The following TGFA variants were observed in gnomAD, a reference collection of about 807,000 sequenced individuals.
TGFA encodes the protein transforming growth factor alpha, also known as protransforming growth factor alpha.
Under a neutral mutation model 21.7 loss-of-function variants are expected in TGFA, and 12 were observed. The observed-to-expected ratio is 0.55, with a 90% confidence interval of 0.35 to 0.90. The LOEUF (loss-of-function observed/expected upper bound fraction) is 0.90, where lower values mean the gene tolerates loss of function less well. TGFA is among the 40% of genes least tolerant of loss of function. The pLI is 0.01. For synonymous variants in TGFA, 79 were observed against 88.1 expected, an observed-to-expected ratio of 0.90 and a Z score of 0.58; for missense variants, 178 against 210.8, an observed-to-expected ratio of 0.84 and a Z score of 0.96.
intron 1 of TGFA, among the ~76,000 whole-genome samples, chr2:70,548,758 T>G (rs1673393754): frequency 6.6e-6 from 1 of 152,208 alleles, no homozygotes; most frequent in Non-Finnish European, 1.5e-5. Context: ...TAAGTCATAC[T>G]CAGTACAACA....
At chr2:70,450,951 A>T in intron 5 of TGFA, 85 bp from the exon 6 acceptor site, 1 of 1,509,398 alleles carries the variant, frequency 6.6e-7, no homozygotes, top group African/African-American at 1.4e-5. Context: ...AGACTTGGAG[A>T]TGGCAGAGCC....
intron 1 of TGFA, chr2:70,553,036 C>A (rs1416939210): frequency 1.2e-5 from 11 of 887,390 alleles, no homozygotes; most frequent in Non-Finnish European, 1.8e-5. Context: ...CCTTTCCCAT[C>A]CCTCCTTCAT....
intron 2 of TGFA, among the ~76,000 whole-genome samples, chr2:70,503,273 A>G (rs1334641365): frequency 1.4e-4 from 22 of 152,262 alleles, no homozygotes; most frequent in Admixed American, 1.2e-3. Context: ...TGTCCTTTGT[A>G]GGGACATGGA....
chr2:70,534,665 G>A (rs782129116), intron 1 of TGFA, among the ~76,000 whole-genome samples: 3 of 150,792 alleles, frequency 2.0e-5, no homozygotes, highest in Non-Finnish European at 2.9e-5. Context: ...ACTGTTGACT[G>A]AAGGAGGGAA....
rs75120174 is a variant in TGFA at position 70,531,077 on chromosome 2, A to G, written c.41-16165T>C. On this transcript the variant is annotated intron_variant, in intron 1 of 5. Coordinates refer to ENST00000295400, the MANE Select transcript of TGFA (RefSeq NM_003236.4). ...GGGCAGGAGCACTGAGACATACCCT[A>G]TATCCTCCAGGGAAAGGAGTCCTCC... Among the ~76,000 whole-genome samples, 806 of 152,318 alleles carry G rather than the reference A, an allele frequency of 5.3e-3. 14 individuals carry two copies. Among genetic ancestry groups the G allele is most frequent in the African/African-American group, 0.018 (764 of 41,564 alleles).
At chr2:70,535,227 A>T (rs1049268890) in intron 1 of TGFA, among the ~76,000 whole-genome samples, 1 of 152,124 alleles carries the variant, frequency 6.6e-6, no homozygotes, top group Non-Finnish European at 1.5e-5. Context: ...CAAGGTGTCC[A>T]CTGTGTACCT....
At chr2:70,533,928 T>C (rs1574140819) in intron 1 of TGFA, among the ~76,000 whole-genome samples, 1 of 152,182 alleles carries the variant, frequency 6.6e-6, no homozygotes, top group East Asian at 1.9e-4. Context: ...GGTTGTTTTG[T>C]GTGTTAGCAA....
intron 2 of TGFA, among the ~76,000 whole-genome samples, chr2:70,488,705 C>T (rs1317467483): frequency 2.0e-5 from 3 of 152,200 alleles, no homozygotes; most frequent in Non-Finnish European, 4.4e-5. Flanking sequence ...TATAAGTTCT[C>T]TTCCCCATAT....
chr2:70,482,297 A>G (rs1671149523), intron 2 of TGFA, among the ~76,000 whole-genome samples: 1 of 152,242 alleles, frequency 6.6e-6, no homozygotes, highest in African/African-American at 2.4e-5. Context: ...TATCCATTTT[A>G]CAGATGAGGA....
intron 2 of TGFA, among the ~76,000 whole-genome samples, chr2:70,476,366 T>C (rs1478095741): frequency 6.6e-6 from 1 of 152,218 alleles, no homozygotes; most frequent in African/African-American, 2.4e-5. Flanking sequence ...TGAACGAGAA[T>C]GTGAATGGCT....
At position 70,450,566 on chromosome 2, in the gene TGFA, A is replaced by ATGTGTGTCTG; in HGVS notation, c.*292_*293insCAGACACACA. The ATGTGTGTCTG allele has an allele frequency of 4.9e-6, 2 of 404,146 alleles. No homozygotes were observed. Among genetic ancestry groups the ATGTGTGTCTG allele is most frequent in the South Asian group, 8.9e-5 (2 of 22,522 alleles). 25.0% of individuals were successfully genotyped at this position (404,146 alleles called of 1,614,324 possible). A position where few individuals can be genotyped will look rare whatever the true frequency, so the allele number is the denominator to read the frequency against. ...CTGCACACATGTGGACTCAGACACC[A>ATGTGTGTCTG]ACTGCTGCACACACCTCACCTAGGT... On this transcript the variant is annotated 3_prime_UTR_variant, in exon 6 of 6. Coordinates refer to ENST00000295400, the MANE Select transcript of TGFA (RefSeq NM_003236.4).
At chr2:70,527,980 C>T (rs1487156570) in intron 1 of TGFA, among the ~76,000 whole-genome samples, 2 of 152,216 alleles carry the variant, frequency 1.3e-5, no homozygotes, top group African/African-American at 4.8e-5. Flanking sequence ...CGTGGATGAG[C>T]AGCCTTGTAC....
At position 70,450,602 on chromosome 2, in the gene TGFA, C is replaced by A; in HGVS notation, c.*257G>T. On this transcript the variant is annotated 3_prime_UTR_variant, in exon 6 of 6. Coordinates refer to ENST00000295400, the MANE Select transcript of TGFA (RefSeq NM_003236.4). ...ACACCTCACCTAGGTGAACAGGAGT[C>A]CGTCTCTTTGCAGTTCTTTTTTAAC... is the stretch of plus-strand genomic sequence containing the variant. 2.0e-6 allele frequency: 1 copy of A among 509,582 alleles called. No individual in the cohort carries two copies. Among genetic ancestry groups the A allele is most frequent in the Non-Finnish European group, 3.6e-6 (1 of 280,892 alleles). 31.6% of individuals were successfully genotyped at this position (509,582 alleles called of 1,614,324 possible).
chr2:70,530,164 G>A (rs1215379349), intron 1 of TGFA, among the ~76,000 whole-genome samples: 1 of 152,172 alleles, frequency 6.6e-6, no homozygotes, highest in Non-Finnish European at 1.5e-5. Flanking sequence ...ACATGAAGAA[G>A]TAGGAACTCA....
chr2:70,490,977 C>A (rs539522215), intron 2 of TGFA, among the ~76,000 whole-genome samples: 1 of 152,164 alleles, frequency 6.6e-6, no homozygotes, highest in Admixed American at 6.5e-5. Flanking sequence ...TTTCCCCAAG[C>A]AGATCAGGTT....
At chr2:70,536,857 GT>G (rs1257524931) in intron 1 of TGFA, among the ~76,000 whole-genome samples, 5 of 152,198 alleles carry the variant, frequency 3.3e-5, no homozygotes, top group African/African-American at 1.2e-4. Context: ...TTTAGTTACT[GT>G]TTTGCTCTGT....
In TGFA at chr2:70,459,284, A is replaced by G. The variant is rs868945005; in HGVS notation, c.216-2796T>C. On this transcript the variant is annotated intron_variant, in intron 3 of 5. Transcript: ENST00000295400. ...GGCAGCCAAGTGCTAATTACAACAC[A>G]TAACATTCACTGCAAGCATTAGGCT... Among the ~76,000 whole-genome samples, 6 of 152,352 alleles carry G rather than the reference A, an allele frequency of 3.9e-5. 1 individual carries two copies. The Middle Eastern group carries it at 0.017, about 432-fold the overall frequency.
intron 2 of TGFA, 115 bp from the exon 3 acceptor site, chr2:70,465,851 C>T (rs1670541827): frequency 1.4e-6 from 2 of 1,467,180 alleles, no homozygotes; most frequent in Non-Finnish European, 1.8e-6. Context: ...ACTTTGGGTT[C>T]TCACCTGGGG....
At chr2:70,466,334 C>T (rs1016267500) in intron 2 of TGFA, among the ~76,000 whole-genome samples, 17 of 152,116 alleles carry the variant, frequency 1.1e-4, no homozygotes, top group Admixed American at 9.8e-4. Flanking sequence ...CGGTGACACC[C>T]GTCTCTACTA....
Sources: allele counts gnomAD v4.1 joint callset (sites outside exome capture counted in the v4.1 genomes callset), GRCh38; gene constraint gnomAD v4.1.1; transcripts MANE v1.5; gene names NCBI Gene and HGNC (gene_info 2026-07-23, HGNC 2026-07-21).